The following ITSN1 variants were observed in gnomAD, a reference collection of about 807,000 sequenced individuals.
The protein encoded by ITSN1 is intersectin-1.
In ITSN1, 58 loss-of-function variants were observed where a neutral mutation model predicts 239.8. The ratio of observed to expected loss-of-function variants is 0.24; its 90% confidence interval spans 0.20 to 0.30. The LOEUF (loss-of-function observed/expected upper bound fraction) is 0.30, where lower values mean the gene tolerates loss of function less well. Among genes scored for constraint, ITSN1 ranks in the 10% least tolerant of loss-of-function variants. The pLI, the probability that ITSN1 is intolerant of heterozygous loss-of-function variation, is 1.00. For missense variants in ITSN1, 1,558 were observed against 2,103.3 expected, an observed-to-expected ratio of 0.74 and a Z score of 5.07; for synonymous variants, 780 against 770.8, an observed-to-expected ratio of 1.01 and a Z score of -0.20.
chr21:33,726,672 C>A (rs2065853149), intron 4 of ITSN1, among the ~76,000 whole-genome samples: 1 of 152,018 alleles, frequency 6.6e-6, no homozygotes, highest in Non-Finnish European at 1.5e-5. Context: ...CAGGCATACA[C>A]CACCATGCCT....
chr21:33,711,652 TTGTG>T (rs58696981), intron 1 of ITSN1, among the ~76,000 whole-genome samples: 46,229 of 134,554 alleles, frequency 0.34, 7,494 homozygotes, highest in East Asian at 0.4. Context: ...TTTCTGTGTG[TTGTG>T]TGTGTGTGTG....
chr21:33,868,303 C>G (rs1440800677), intron 33 of ITSN1, among the ~76,000 whole-genome samples: 1 of 152,376 alleles, frequency 6.6e-6, no homozygotes, highest in Middle Eastern at 3.4e-3. Flanking sequence ...CTGCCAGTCT[C>G]GCGCCATGCA....
Position 33,888,392 on chromosome 21 carries a change from T to A in ITSN1, c.*92T>A. ...ATTCCTTTTCTAAGAAACCACCATT[T>A]GGTATTCAGTCACAGGGATATGGGA... On this transcript the variant is annotated 3_prime_UTR_variant, in exon 40 of 40. Coordinates refer to ENST00000381318, the MANE Select transcript of ITSN1 (RefSeq NM_003024.3). 7.5e-7 allele frequency: 1 copy of A among 1,333,140 alleles called. No individual in the cohort carries two copies. Among genetic ancestry groups the A allele is most frequent in the Non-Finnish European group, 1.0e-6 (1 of 978,410 alleles). The allele number at this position is 1,333,140 out of a possible 1,614,324, so 82.6% of individuals were successfully genotyped here.
intron 1 of ITSN1, among the ~76,000 whole-genome samples, chr21:33,670,517 A>C (rs1031020571): frequency 1.3e-5 from 2 of 152,054 alleles, no homozygotes; most frequent in Non-Finnish European, 1.5e-5. Flanking sequence ...CATAAAATGT[A>C]GTCGGAAGAG....
At chr21:33,810,779 G>T (rs920976259) in intron 20 of ITSN1, 196 bp from the exon 21 acceptor site, 7 of 749,726 alleles carry the variant, frequency 9.3e-6, no homozygotes, top group African/African-American at 8.7e-5. Context: ...GAGAATAAGA[G>T]CTTGAATTAT....
intron 30 of ITSN1, among the ~76,000 whole-genome samples, chr21:33,857,396 G>A (rs1301717621): frequency 1.3e-5 from 2 of 152,228 alleles, no homozygotes; most frequent in African/African-American, 2.4e-5. Flanking sequence ...AGTCCTCCCA[G>A]AAGGGCCCTG....
intron 1 of ITSN1, among the ~76,000 whole-genome samples, chr21:33,686,250 A>G (rs1284963303): frequency 6.6e-6 from 1 of 151,270 alleles, no homozygotes; most frequent in Admixed American, 6.6e-5. Flanking sequence ...TTTTTTTTTT[A>G]ATTTCCAAAT....
intron 1 of ITSN1, among the ~76,000 whole-genome samples, chr21:33,671,270 A>G (rs1391363916): frequency 6.6e-6 from 1 of 151,590 alleles, no homozygotes; most frequent in Non-Finnish European, 1.5e-5. Context: ...TCTTGGCTGT[A>G]TTTTTTTTCT....
At position 33,679,186 on chromosome 21, in the gene ITSN1, T is replaced by G. The variant is rs140177967; in HGVS notation, c.-33+36473T>G. ...AAAGCCTTTGTATAACCTTATTATG[T>G]AAATATTTATGTTTCAGGTGTGTTA... On this transcript the variant is annotated intron_variant, in intron 1 of 39. Coordinates refer to ENST00000381318, the MANE Select transcript of ITSN1 (RefSeq NM_003024.3). 1.1e-4 allele frequency among the ~76,000 whole-genome samples: 16 copies of G among 152,338 alleles called. No individual in the cohort carries two copies. In the East Asian group the frequency reaches 3.1e-3, roughly 29 times the overall value.
intron 1 of ITSN1, among the ~76,000 whole-genome samples, chr21:33,692,958 G>A (rs552323505): frequency 7.4e-4 from 113 of 152,134 alleles, no homozygotes; most frequent in Middle Eastern, 3.4e-3. Context: ...CACCATGCCA[G>A]GCTGATTTTT....
chr21:33,783,579 T>C (rs959903397), intron 16 of ITSN1, among the ~76,000 whole-genome samples: 4 of 151,764 alleles, frequency 2.6e-5, no homozygotes, highest in Non-Finnish European at 5.9e-5. Flanking sequence ...AGTACAGCTG[T>C]AAATTAACCA....
rs1385141610 is a variant in ITSN1 at position 33,891,361 on chromosome 21, TTTC to T, written c.*3067_*3069del. On this transcript the variant is annotated 3_prime_UTR_variant, in exon 40 of 40. Coordinates refer to ENST00000381318, the MANE Select transcript of ITSN1 (RefSeq NM_003024.3). ...ACATTCATGTAAGAGGAGGCATTTTTTTCTTCTTTGCTTTTTTTAAACAACCTA... is the reference window on the plus strand; with the variant it reads ...ACATTCATGTAAGAGGAGGCATTTTTTTCTTTGCTTTTTTTAAACAACCTA... 1 of 152,256 alleles carries T rather than the reference TTTC, an allele frequency of 6.6e-6. No homozygotes were observed. Among genetic ancestry groups the T allele is most frequent in the African/African-American group, 2.4e-5 (1 of 41,476 alleles). 9.4% of individuals were successfully genotyped at this position (152,256 alleles called of 1,614,324 possible).
rs1986381046 is a variant in ITSN1, at chr21:33,891,816, A to G, written c.*3516A>G. 1 of 152,232 alleles carries G rather than the reference A, an allele frequency of 6.6e-6. No individual in the cohort carries two copies. The highest frequency in any genetic ancestry group is 6.5e-5 in the Admixed American group (1 of 15,290). The allele number at this position is 152,232 out of a possible 1,614,324, so 9.4% of individuals were successfully genotyped here. ...TAGGCCAGTACCTTGTATAAGCAGA[A>G]AAAGACTTCTCTATCTCCACTCCAA... On this transcript the variant is annotated 3_prime_UTR_variant, in exon 40 of 40. Coordinates refer to ENST00000381318, the MANE Select transcript of ITSN1 (RefSeq NM_003024.3).
At chr21:33,876,087 C>CTCTTTCTCCCTTTTTCTTTCCTCTT (rs1983700964) in intron 34 of ITSN1, among the ~76,000 whole-genome samples, 1 of 142,792 alleles carries the variant, frequency 7.0e-6, no homozygotes, top group East Asian at 2.1e-4. Context: ...TTTTTCTTTC[C>CTCTTTCTCCCTTTTTCTTTCCTCTT]TCTTTCTTTC....
chr21:33,825,193 C>T (rs956271224), intron 25 of ITSN1, among the ~76,000 whole-genome samples: 3 of 152,090 alleles, frequency 2.0e-5, no homozygotes, highest in Non-Finnish European at 2.9e-5. Flanking sequence ...TAGGAAAACA[C>T]ACAGTGACTT....
chr21:33,859,443 G>GA (rs926649908), intron 31 of ITSN1, among the ~76,000 whole-genome samples: 52 of 143,082 alleles, frequency 3.6e-4, no homozygotes, highest in East Asian at 8.0e-4. Flanking sequence ...CCAATTCTTA[G>GA]AAAAAAAAAA....
chr21:33,731,592 A>G (rs959222359), intron 4 of ITSN1, among the ~76,000 whole-genome samples: 1 of 152,266 alleles, frequency 6.6e-6, no homozygotes, highest in Non-Finnish European at 1.5e-5. Flanking sequence ...GAATTTCACA[A>G]TGTATGAAAA....
intron 11 of ITSN1, 104 bp from the exon 12 acceptor site, chr21:33,771,957 T>C (rs1282567924): frequency 1.5e-6 from 2 of 1,305,352 alleles, no homozygotes; most frequent in African/African-American, 1.5e-5. Context: ...GAGTTCTGGG[T>C]TTGGGTTTGT....
intron 1 of ITSN1, among the ~76,000 whole-genome samples, chr21:33,657,035 T>A (rs891804373): frequency 2.0e-5 from 3 of 152,188 alleles, no homozygotes; most frequent in Admixed American, 6.5e-5. Flanking sequence ...TTAATTTTTT[T>A]ATTTTAATTT....
Sources: allele counts gnomAD v4.1 joint callset (sites outside exome capture counted in the v4.1 genomes callset), GRCh38; gene constraint gnomAD v4.1.1; transcripts MANE v1.5; gene names NCBI Gene and HGNC (gene_info 2026-07-23, HGNC 2026-07-21).